Variants in FAM13A observed in about 807,000 individuals in gnomAD.
The protein encoded by FAM13A is family with sequence similarity 13 member A, also known as protein FAM13A.
Under a neutral mutation model 129.6 loss-of-function variants are expected in FAM13A, and 76 were observed. The ratio of observed to expected loss-of-function variants is 0.59; its 90% confidence interval spans 0.49 to 0.71. FAM13A has a LOEUF of 0.71. Ranked by LOEUF, FAM13A falls within the 30% of genes least tolerant of loss-of-function variation. The pLI, the probability that FAM13A is intolerant of heterozygous loss-of-function variation, is 0.00. For missense variants in FAM13A, 1,108 were observed against 1,249.3 expected (o/e 0.89, Z 1.70); for synonymous variants, 443 against 449.9 (o/e 0.98, Z 0.20).
intron 5 of FAM13A, among the ~76,000 whole-genome samples, chr4:88,933,925 CA>C (rs1753441580): frequency 1.3e-5 from 2 of 152,174 alleles, no homozygotes; most frequent in African/African-American, 2.4e-5. Context: ...TGAATAGACA[CA>C]ATCTGCTGAT....
At chr4:88,791,073 C>G (rs150811474) in intron 8 of FAM13A, among the ~76,000 whole-genome samples, 19 of 152,254 alleles carry the variant, frequency 1.2e-4, no homozygotes, top group African/African-American at 4.6e-4. Context: ...TTCTAAAACT[C>G]TGCTCTCAAC....
chr4:88,802,417 G>A (rs532219472), intron 8 of FAM13A, among the ~76,000 whole-genome samples: 4 of 152,270 alleles, frequency 2.6e-5, no homozygotes, highest in African/African-American at 9.6e-5. Flanking sequence ...TCTGTGGTGA[G>A]TTAAGTTGGA....
chr4:88,826,322 A>G lies in FAM13A; in HGVS notation c.1008-21270T>C, dbSNP rs866922283. 4.5e-3 allele frequency among the ~76,000 whole-genome samples: 682 copies of G among 152,088 alleles called. 2 individuals are homozygous for G. The highest frequency in any genetic ancestry group is 0.017 in the Middle Eastern group (5 of 294). On this transcript the variant is annotated intron_variant, in intron 7 of 23. Transcript: ENST00000264344. ...ACTGGCACGTAGGATTAAAAAAAAA[A>G]AAAAAAAAACCATTCCTGACCCTCC... is the stretch of plus-strand genomic sequence containing the variant.
chr4:88,919,601 C>G (rs1750667556), intron 5 of FAM13A, among the ~76,000 whole-genome samples: 1 of 152,184 alleles, frequency 6.6e-6, no homozygotes, highest in Non-Finnish European at 1.5e-5. Context: ...CTCCAGTGTA[C>G]AGCTCCCAGC....
At chr4:88,911,754 C>A (rs1020434178) in intron 5 of FAM13A, among the ~76,000 whole-genome samples, 2 of 152,236 alleles carry the variant, frequency 1.3e-5, no homozygotes, top group African/African-American at 2.4e-5. Context: ...CCATCAATCA[C>A]AAGCATGCTC....
At position 88,872,313 on chromosome 4, in the gene FAM13A, A is replaced by G. The variant is rs2150081099; in HGVS notation, c.844-21130T>C. Among the ~76,000 whole-genome samples the G allele has an allele frequency of 2.6e-5, 4 of 152,336 alleles. 1 individual carries two copies. In the Middle Eastern group the frequency reaches 0.01, roughly 389 times the overall value. ...ATAACAATATTAACCTTAAATGTAA[A>G]TAAGCTAAATGCCCCAATTAAAAGA... On this transcript the variant is annotated intron_variant, in intron 6 of 23. Coordinates refer to ENST00000264344, the MANE Select transcript of FAM13A (RefSeq NM_014883.4).
At chr4:88,763,277 GTTCATTCA>G (rs3067663) in intron 13 of FAM13A, among the ~76,000 whole-genome samples, 20 of 150,838 alleles carry the variant, frequency 1.3e-4, no homozygotes, top group South Asian at 8.4e-4. Context: ...TTTCCCATTC[GTTCATTCA>G]TTCATTCATT....
chr4:88,778,767 A>T (rs528710168), intron 11 of FAM13A, among the ~76,000 whole-genome samples: 12 of 152,258 alleles, frequency 7.9e-5, no homozygotes, highest in South Asian at 4.2e-4. Flanking sequence ...CCTTACAATG[A>T]TCTATAAAGA....
At chr4:88,811,775 T>G (rs543441215) in intron 7 of FAM13A, among the ~76,000 whole-genome samples, 1 of 152,336 alleles carries the variant, frequency 6.6e-6, no homozygotes, top group African/African-American at 2.4e-5. Context: ...CTTGTTATAG[T>G]ATTTACATTG....
rs34688113 is a variant in FAM13A at position 89,002,048 on chromosome 4, T to TA, written c.428-10899dup. ...TAAAATCAAATATGGGTTGTGGGGGTAAAAAAAAAAGGCAAGGGAGAATTT... is the reference window on the plus strand; with the variant it reads ...TAAAATCAAATATGGGTTGTGGGGGTAAAAAAAAAAAGGCAAGGGAGAATTT... On this transcript the variant is annotated intron_variant, in intron 3 of 23. Transcript: ENST00000264344. Among the ~76,000 whole-genome samples, 641 of 140,578 alleles carry TA rather than the reference T, an allele frequency of 4.6e-3. 2 individuals carry two copies. Among genetic ancestry groups the TA allele is most frequent in the East Asian group, 9.5e-3 (46 of 4,858 alleles). 92.2% of individuals were successfully genotyped at this position (140,578 alleles called of 152,430 possible).
intron 7 of FAM13A, among the ~76,000 whole-genome samples, chr4:88,848,094 C>T (rs377738690): frequency 1.3e-5 from 2 of 152,188 alleles, no homozygotes; most frequent in African/African-American, 4.8e-5. Context: ...AGCCACTTGA[C>T]TCTGATTTTA....
At chr4:89,014,281 A>G (rs896929258) in intron 3 of FAM13A, among the ~76,000 whole-genome samples, 2 of 152,176 alleles carry the variant, frequency 1.3e-5, no homozygotes, top group Admixed American at 6.5e-5. Context: ...GACAACTTTT[A>G]CTTCACAAAT....
chr4:88,927,959 T>C (rs147280221), intron 5 of FAM13A, among the ~76,000 whole-genome samples: 167 of 152,260 alleles, frequency 1.1e-3, no homozygotes, highest in African/African-American at 3.9e-3. Flanking sequence ...GGTTGTTAAT[T>C]TTTTAATGTA....
At chr4:88,747,548 CTG>C in intron 18 of FAM13A, 81 bp downstream of exon 18, 1 of 1,131,162 alleles carries the variant, frequency 8.8e-7, no homozygotes, top group Admixed American at 1.8e-5. Context: ...CATCTTCCCA[CTG>C]GGATTCACGT....
Position 89,018,425 on chromosome 4 carries a change from C to A in FAM13A, c.427+2035G>T, listed in dbSNP as rs564805887. 1.2e-4 allele frequency among the ~76,000 whole-genome samples: 19 copies of A among 152,314 alleles called. No individual in the cohort carries two copies. The South Asian group carries it at 1.4e-3, about 12-fold the overall frequency. On this transcript the variant is annotated intron_variant, in intron 3 of 23. Coordinates refer to ENST00000264344, the MANE Select transcript of FAM13A (RefSeq NM_014883.4). ...CTCCAGGACTGTGAGAAATAAATTTCTCTCGTTTAGGCTTGTAACATCCAG... is the reference window on the plus strand; with the variant it reads ...CTCCAGGACTGTGAGAAATAAATTTATCTCGTTTAGGCTTGTAACATCCAG...
At chr4:88,922,735 A>C (rs951715081) in intron 5 of FAM13A, among the ~76,000 whole-genome samples, 3 of 151,988 alleles carry the variant, frequency 2.0e-5, no homozygotes, top group Non-Finnish European at 4.4e-5. Flanking sequence ...GACACAAAAA[A>C]CCTTCAAAAA....
intron 21 of FAM13A, among the ~76,000 whole-genome samples, chr4:88,734,490 T>G (rs1387663822): frequency 6.6e-6 from 1 of 152,144 alleles, no homozygotes; most frequent in East Asian, 1.9e-4. Flanking sequence ...CGTAACAAAT[T>G]GGAAAAATTC....
intron 4 of FAM13A, among the ~76,000 whole-genome samples, chr4:88,985,138 A>C (rs1162048713): frequency 2.0e-5 from 3 of 152,240 alleles, no homozygotes; most frequent in African/African-American, 7.2e-5. Flanking sequence ...CACATGCTAC[A>C]AAATGGATGA....
chr4:88,953,440 G>C (rs1213763041), intron 4 of FAM13A, among the ~76,000 whole-genome samples: 1 of 152,190 alleles, frequency 6.6e-6, no homozygotes, highest in Non-Finnish European at 1.5e-5. Flanking sequence ...GTGTGACAGA[G>C]CGAGACTCTA....
Sources: allele counts gnomAD v4.1 joint callset (sites outside exome capture counted in the v4.1 genomes callset), GRCh38; gene constraint gnomAD v4.1.1; transcripts MANE v1.5; gene names NCBI Gene and HGNC (gene_info 2026-07-23, HGNC 2026-07-21).